The following CACNB2 variants were observed in gnomAD, a reference collection of about 807,000 sequenced individuals.
CACNB2 encodes calcium voltage-gated channel auxiliary subunit beta 2.
In CACNB2, 42 loss-of-function variants were observed where a neutral mutation model predicts 73.3. The ratio of observed to expected loss-of-function variants is 0.57; its 90% confidence interval spans 0.45 to 0.74. The LOEUF (loss-of-function observed/expected upper bound fraction) is 0.74, where lower values mean the gene tolerates loss of function less well. Ranked by LOEUF, CACNB2 falls within the 30% of genes least tolerant of loss-of-function variation. The pLI is 0.00. For synonymous variants in CACNB2, 348 were observed against 310.3 expected, an observed-to-expected ratio of 1.12 and a Z score of -1.28; for missense variants, 940 against 853.0, an observed-to-expected ratio of 1.10 and a Z score of -1.27.
intron 11 of CACNB2, 116 bp from the exon 12 acceptor site, chr10:18,535,985 A>G: frequency 1.5e-6 from 1 of 683,772 alleles, no homozygotes; most frequent in South Asian, 1.6e-5. Flanking sequence ...AGCTCCATCT[A>G]TTATAAGCCC....
intron 2 of CACNB2, among the ~76,000 whole-genome samples, chr10:18,191,652 A>G (rs2034401480): frequency 6.6e-6 from 1 of 152,148 alleles, no homozygotes; most frequent in African/African-American, 2.4e-5. Flanking sequence ...TTTTGTCCTC[A>G]TAGCTTAGCT....
intron 2 of CACNB2, among the ~76,000 whole-genome samples, chr10:18,346,316 G>A (rs932074351): frequency 6.6e-6 from 1 of 150,968 alleles, no homozygotes; most frequent in Non-Finnish European, 1.5e-5. Flanking sequence ...ATTTTTGTAT[G>A]TTTAGTAGAG....
chr10:18,216,422 C>T (rs1213748379), intron 2 of CACNB2, among the ~76,000 whole-genome samples: 1 of 152,050 alleles, frequency 6.6e-6, no homozygotes, highest in African/African-American at 2.4e-5. Context: ...TCCCTTGAGC[C>T]CCTTTAGTCT....
rs1014757380 is a variant in CACNB2 at position 18,541,402 on chromosome 10, T to C, written c.*1678T>C. On this transcript the variant is annotated 3_prime_UTR_variant, in exon 14 of 14. Coordinates refer to ENST00000324631, the MANE Select transcript of CACNB2 (RefSeq NM_201596.3). ...CTGTAAGAAGCTTACAATGTCATCATGTTTAAGGCTAAGACCTTTTCCGTG... is the reference window on the plus strand; with the variant it reads ...CTGTAAGAAGCTTACAATGTCATCACGTTTAAGGCTAAGACCTTTTCCGTG... 4 of 152,578 alleles carry C rather than the reference T, an allele frequency of 2.6e-5. No individual in the cohort carries two copies. Among genetic ancestry groups the C allele is most frequent in the South Asian group, 2.1e-4 (1 of 4,830 alleles). 9.5% of individuals were successfully genotyped at this position (152,578 alleles called of 1,614,324 possible).
intron 3 of CACNB2, among the ~76,000 whole-genome samples, chr10:18,433,873 T>TTTG (rs143561512): frequency 0.018 from 2,652 of 150,032 alleles, 40 homozygotes; most frequent in African/African-American, 0.043. Context: ...TAAATCAGAT[T>TTTG]TTGTTGTTGT....
intron 5 of CACNB2, among the ~76,000 whole-genome samples, chr10:18,505,209 C>T (rs1233871255): frequency 1.3e-5 from 2 of 151,078 alleles, no homozygotes; most frequent in Non-Finnish European, 2.9e-5. Context: ...AATATAAAAC[C>T]CATGAACTTA....
At chr10:18,457,645 C>G (rs1456640539) in intron 3 of CACNB2, among the ~76,000 whole-genome samples, 1 of 152,060 alleles carries the variant, frequency 6.6e-6, no homozygotes, top group Non-Finnish European at 1.5e-5. Flanking sequence ...AATCCAAGCA[C>G]TTTGGGAGGC....
rs1299328653 is a variant in CACNB2 at position 18,529,930 on chromosome 10, A to G, written c.1054+2233A>G. On this transcript the variant is annotated intron_variant, in intron 10 of 13. Coordinates refer to ENST00000324631, the MANE Select transcript of CACNB2 (RefSeq NM_201596.3). ...AGGTTTAATGGAATCACAGTTCCAC[A>G]TGGCTAGTGAGGCCTCACAATCATG... 2.0e-5 allele frequency among the ~76,000 whole-genome samples: 3 copies of G among 152,230 alleles called. No individual in the cohort carries two copies. The East Asian group carries it at 5.8e-4, about 29-fold the overall frequency.
At chr10:18,217,451 T>C (rs150818336) in intron 2 of CACNB2, among the ~76,000 whole-genome samples, 30 of 151,846 alleles carry the variant, frequency 2.0e-4, no homozygotes, top group African/African-American at 7.0e-4. Flanking sequence ...GCCGCTGTAC[T>C]CCAGCCTGGG....
chr10:18,460,949 G>T (rs2047541680), intron 3 of CACNB2, among the ~76,000 whole-genome samples: 1 of 150,694 alleles, frequency 6.6e-6, no homozygotes, highest in Admixed American at 6.6e-5. Context: ...TCTTTTTTGA[G>T]ACCGAGTTTC....
chr10:18,352,441 T>C (rs935131044), intron 2 of CACNB2, among the ~76,000 whole-genome samples: 7 of 152,156 alleles, frequency 4.6e-5, no homozygotes, highest in Non-Finnish European at 1.0e-4. Context: ...AGTACTGAAA[T>C]AGGGAACAGT....
chr10:18,408,331 C>G (rs558789776), intron 3 of CACNB2, among the ~76,000 whole-genome samples: 2 of 149,650 alleles, frequency 1.3e-5, no homozygotes, highest in Admixed American at 1.3e-4. Context: ...CTCTTCCTCC[C>G]GGGTTCAGGC....
chr10:18,371,723 T>C (rs1202480302), intron 2 of CACNB2, among the ~76,000 whole-genome samples: 5 of 152,188 alleles, frequency 3.3e-5, no homozygotes, highest in Admixed American at 6.5e-5. Context: ...TACCCAGTAA[T>C]GGGATGGCTG....
intron 2 of CACNB2, among the ~76,000 whole-genome samples, chr10:18,378,665 C>T (rs867876845): frequency 1.1e-4 from 17 of 152,190 alleles, no homozygotes; most frequent in African/African-American, 3.1e-4. Flanking sequence ...GTGGGAGGAT[C>T]GGTTCAGCCC....
chr10:18,225,733 G>A (rs1289173832), intron 2 of CACNB2, among the ~76,000 whole-genome samples: 1 of 151,730 alleles, frequency 6.6e-6, no homozygotes, highest in African/African-American at 2.4e-5. Flanking sequence ...TCCACCTCCC[G>A]GGCTCTAATG....
intron 7 of CACNB2, among the ~76,000 whole-genome samples, chr10:18,515,906 A>AT (rs2051227095): frequency 6.6e-6 from 1 of 152,132 alleles, no homozygotes; most frequent in African/African-American, 2.4e-5. Context: ...TTTTATCACA[A>AT]TTTTTTCACT....
intron 3 of CACNB2, among the ~76,000 whole-genome samples, chr10:18,445,074 A>G (rs1043971935): frequency 1.3e-5 from 2 of 152,176 alleles, no homozygotes; most frequent in African/African-American, 4.8e-5. Context: ...GTTTTTCCCT[A>G]CCACAAGTAT....
intron 2 of CACNB2, among the ~76,000 whole-genome samples, chr10:18,231,310 G>C (rs1287643183): frequency 6.6e-6 from 1 of 152,140 alleles, no homozygotes; most frequent in African/African-American, 2.4e-5. Context: ...CCAAGTAGCT[G>C]GGATTACAGG....
chr10:18,321,989 C>A (rs188865454), intron 2 of CACNB2, among the ~76,000 whole-genome samples: 16 of 152,150 alleles, frequency 1.1e-4, no homozygotes, highest in African/African-American at 3.4e-4. Flanking sequence ...TCTGTCTCTA[C>A]AAAAAATTAT....
Sources: allele counts gnomAD v4.1 joint callset (sites outside exome capture counted in the v4.1 genomes callset), GRCh38; gene constraint gnomAD v4.1.1; transcripts MANE v1.5; gene names NCBI Gene and HGNC (gene_info 2026-07-23, HGNC 2026-07-21).